Variants in TENM3 observed in about 807,000 individuals in gnomAD.
TENM3 encodes teneurin-3.
Under a neutral mutation model 255.1 loss-of-function variants are expected in TENM3, and 63 were observed. The ratio of observed to expected loss-of-function variants is 0.25; its 90% CI spans 0.20 to 0.30. TENM3 has a LOEUF of 0.30. Among genes scored for constraint, TENM3 ranks in the 10% least tolerant of loss-of-function variants. TENM3 has a pLI of 1.00. For missense variants in TENM3, 2,929 were observed against 3,461.1 expected (o/e 0.85, Z 3.86); for synonymous variants, 1,306 against 1,322.3 (o/e 0.99, Z 0.27).
At chr4:182,279,977 CT>C (rs1258050489) in intron 1 of TENM3, among the ~76,000 whole-genome samples, 1 of 152,186 alleles carries the variant, frequency 6.6e-6, no homozygotes, top group Non-Finnish European at 1.5e-5. Context: ...TTCAAAAAGA[CT>C]TTCTCCACCA....
intron 24 of TENM3, among the ~76,000 whole-genome samples, chr4:182,775,941 T>A (rs377481861): frequency 6.6e-6 from 1 of 150,974 alleles, no homozygotes; most frequent in Non-Finnish European, 1.5e-5. Context: ...ACAAGATAGA[T>A]AGGAGATATG....
At chr4:182,536,936 GC>G (rs1391284753) in intron 3 of TENM3, among the ~76,000 whole-genome samples, 4 of 151,844 alleles carry the variant, frequency 2.6e-5, no homozygotes, top group African/African-American at 9.7e-5. Context: ...TCCCTTGTTT[GC>G]TTTTTATGCA....
At chr4:182,745,326 G>A (rs1045895504) in intron 19 of TENM3, among the ~76,000 whole-genome samples, 1 of 152,202 alleles carries the variant, frequency 6.6e-6, no homozygotes, top group African/African-American at 2.4e-5. Flanking sequence ...AGGATACTGA[G>A]CGTGCAAAGC....
At chr4:182,522,286 C>T (rs909725213) in intron 3 of TENM3, among the ~76,000 whole-genome samples, 5 of 152,160 alleles carry the variant, frequency 3.3e-5, no homozygotes, top group Non-Finnish European at 7.3e-5. Context: ...ACTTAATCCT[C>T]CTGTCTCACT....
chr4:181,820,932 TGTAA>T, the TENM3 span, among the ~76,000 whole-genome samples: 3 of 152,244 alleles, frequency 2.0e-5, no homozygotes, highest in African/African-American at 7.2e-5. Context: ...GGTGCTCAGA[TGTAA>T]GTGTCTATGT....
intron 1 of TENM3, among the ~76,000 whole-genome samples, chr4:182,188,932 T>C (rs1408680318): frequency 6.6e-6 from 1 of 152,128 alleles, no homozygotes; most frequent in Non-Finnish European, 1.5e-5. Flanking sequence ...AGTAATATTT[T>C]AAAAGCTGTA....
chr4:181,901,984 G>A, the TENM3 span, among the ~76,000 whole-genome samples: 9 of 151,962 alleles, frequency 5.9e-5, no homozygotes, highest in Non-Finnish European at 1.3e-4. Flanking sequence ...TAACAAAGAA[G>A]CACATTACAG....
intron 3 of TENM3, among the ~76,000 whole-genome samples, chr4:182,514,068 G>T (rs1737688390): frequency 6.6e-6 from 1 of 152,206 alleles, no homozygotes; most frequent in Admixed American, 6.5e-5. Flanking sequence ...TTGTGGCCCT[G>T]TTGGGGCGGC....
At chr4:182,124,666 T>A in the TENM3 span, among the ~76,000 whole-genome samples, 1 of 152,106 alleles carries the variant, frequency 6.6e-6, no homozygotes. Flanking sequence ...GAAAGCCAAA[T>A]GAAGGAAAGT....
the TENM3 span, among the ~76,000 whole-genome samples, chr4:181,768,920 T>A: frequency 6.6e-6 from 1 of 152,210 alleles, no homozygotes; most frequent in Non-Finnish European, 1.5e-5. Flanking sequence ...TTCCTTTTTT[T>A]AAATCTTGAC....
chr4:182,733,479 A>G (rs1414059712), intron 16 of TENM3, among the ~76,000 whole-genome samples: 1 of 145,270 alleles, frequency 6.9e-6, no homozygotes, highest in African/African-American at 2.4e-5. Context: ...TCAGTTGTCC[A>G]CAGGAGAAAT....
the TENM3 span, among the ~76,000 whole-genome samples, chr4:181,769,959 A>AG: frequency 6.6e-6 from 1 of 152,198 alleles, no homozygotes; most frequent in South Asian, 2.1e-4. Context: ...TACATCAAAA[A>AG]TATGGTACAA....
chr4:181,560,590 TCAAA>T, the TENM3 span, among the ~76,000 whole-genome samples: 1 of 152,162 alleles, frequency 6.6e-6, no homozygotes, highest in Non-Finnish European at 1.5e-5. Context: ...ACACACTCTT[TCAAA>T]CAAACAGGGA....
chr4:181,630,004 T>A, the TENM3 span, among the ~76,000 whole-genome samples: 1 of 152,304 alleles, frequency 6.6e-6, no homozygotes, highest in Non-Finnish European at 1.5e-5. Flanking sequence ...AATTATTGCC[T>A]CAACTTCAGA....
At position 182,793,343 on chromosome 4, in the gene TENM3, C is replaced by T. The variant is rs767056453; in HGVS notation, c.6671C>T (p.Thr2224Ile). ...TRVYSKGSGW[T>I]VIYRYDGLGR... ...GTTTACAGTAAAGGCAGTGGCTGGA[C>T]AGTGATCTACCGTTATGACGGCCTG... The change falls in exon 26 of 28, where the codon ACA becomes ATA. Residue 2224 changes from threonine to isoleucine, a missense_variant. Around this residue, in one of 6 missense-constraint regions of TENM3, gnomAD observed 256 missense variants for 389.3 expected, o/e 0.66. Coordinates refer to ENST00000511685, the MANE Select transcript of TENM3 (RefSeq NM_001080477.4). The surrounding 1 kb of genome is among the most constrained non-coding windows in gnomAD (Gnocchi z 5.7). 1 of 1,613,660 alleles carries T rather than the reference C, an allele frequency of 6.2e-7. No homozygotes were observed. The highest frequency in any genetic ancestry group is 8.5e-7 in the Non-Finnish European group (1 of 1,179,678).
Position 182,359,642 on chromosome 4 carries a change from C to G in TENM3, c.511+12713C>G, listed in dbSNP as rs569376735. ...TTTATTAGTCTTGCTAGCAGTCTATCAATTTTGTTGATTGTTTCAAAAAAC... is the reference window on the plus strand; with the variant it reads ...TTTATTAGTCTTGCTAGCAGTCTATGAATTTTGTTGATTGTTTCAAAAAAC... On this transcript the variant is annotated intron_variant, in intron 3 of 27. Coordinates refer to ENST00000511685, the MANE Select transcript of TENM3 (RefSeq NM_001080477.4). 7.2e-3 allele frequency among the ~76,000 whole-genome samples: 1,009 copies of G among 139,700 alleles called. 5 individuals carry two copies. The highest frequency in any genetic ancestry group is 0.012 in the Non-Finnish European group (763 of 63,860). 91.6% of individuals were successfully genotyped at this position (139,700 alleles called of 152,430 possible).
intron 3 of TENM3, among the ~76,000 whole-genome samples, chr4:182,564,577 T>C (rs1329759669): frequency 8.2e-6 from 1 of 121,676 alleles, no homozygotes; most frequent in Non-Finnish European, 1.9e-5. Context: ...TTTGTTTTTG[T>C]TTTGTTTTTT....
the TENM3 span, among the ~76,000 whole-genome samples, chr4:181,824,613 T>C: frequency 1.3e-5 from 2 of 152,050 alleles, no homozygotes; most frequent in Admixed American, 6.6e-5. Flanking sequence ...AGGTGAAAAA[T>C]GGCTAAATCA....
At chr4:181,613,309 C>A in the TENM3 span, among the ~76,000 whole-genome samples, 1 of 152,166 alleles carries the variant, frequency 6.6e-6, no homozygotes, top group East Asian at 1.9e-4. Context: ...GGATTCCTTC[C>A]CCTCGGGAAC....
Sources: allele counts gnomAD v4.1 joint callset (sites outside exome capture counted in the v4.1 genomes callset), GRCh38; gene constraint gnomAD v4.1.1; regional missense constraint gnomAD v4.1.1; non-coding constraint Gnocchi (gnomAD v3.1); transcripts MANE v1.5; gene names NCBI Gene and HGNC (gene_info 2026-07-23, HGNC 2026-07-21).